THRAP3: variants seen among roughly 807,000 people sequenced by gnomAD.
The protein encoded by THRAP3 is thyroid hormone receptor-associated protein 3.
THRAP3 carries 16 observed loss-of-function variants against 101.0 expected under a neutral mutation model. The observed-to-expected ratio is 0.16, with a 90% CI of 0.11 to 0.24. The LOEUF (loss-of-function observed/expected upper bound fraction) is 0.24, where lower values mean the gene tolerates loss of function less well. Ranked by LOEUF, THRAP3 falls within the 10% of genes least tolerant of loss-of-function variation. THRAP3 has a pLI of 1.00. For missense variants in THRAP3, 989 were observed against 1,202.7 expected, an observed-to-expected ratio of 0.82 and a Z score of 2.63; for synonymous variants, 407 against 422.6, an observed-to-expected ratio of 0.96 and a Z score of 0.45.
intron 1 of THRAP3, among the ~76,000 whole-genome samples, chr1:36,234,807 C>CTT (rs35278020): frequency 0.016 from 1,152 of 72,480 alleles, 2 homozygotes; most frequent in Non-Finnish European, 0.019. Flanking sequence ...CTGTTTCAGT[C>CTT]TTTTTTTTTT....
intron 1 of THRAP3, among the ~76,000 whole-genome samples, chr1:36,229,786 G>A (rs921701925): frequency 4.0e-5 from 6 of 151,750 alleles, no homozygotes; most frequent in Non-Finnish European, 8.8e-5. Context: ...CCGAGAAGCT[G>A]GGATTACAGG....
In THRAP3 at chr1:36,305,286, A is replaced by G. The variant is rs1341231198; in HGVS notation, c.*1269A>G. 5 of 201,070 alleles carry G rather than the reference A, an allele frequency of 2.5e-5. No homozygotes were observed. Among genetic ancestry groups the G allele is most frequent in the Non-Finnish European group, 5.1e-5 (5 of 97,440 alleles). The allele number at this position is 201,070 out of a possible 1,614,324, so 12.5% of individuals were successfully genotyped here. The stretch of plus-strand genomic sequence containing the variant: ...ACTTGAATGATTCATGTTTAGGGGG[A>G]AAATGAAAATCTCCCTTAAAATTTG... On this transcript the variant is annotated 3_prime_UTR_variant, in exon 12 of 12. Coordinates refer to ENST00000354618, the MANE Select transcript of THRAP3 (RefSeq NM_005119.4).
chr1:36,229,193 G>A (rs1644996157), intron 1 of THRAP3, among the ~76,000 whole-genome samples: 1 of 152,032 alleles, frequency 6.6e-6, no homozygotes, highest in Admixed American at 6.6e-5. Flanking sequence ...AGCCTCCCAG[G>A]TTCAAGTGAT....
At position 36,238,264 on chromosome 1, in the gene THRAP3, C is replaced by T. The variant is rs139401420; in HGVS notation, c.-135+13759C>T. 7.4e-4 allele frequency among the ~76,000 whole-genome samples: 112 copies of T among 152,272 alleles called. 2 individuals are homozygous for T. In the East Asian group the frequency reaches 0.013, roughly 18 times the overall value. On this transcript the variant is annotated intron_variant, in intron 1 of 11. Coordinates refer to ENST00000354618, the MANE Select transcript of THRAP3 (RefSeq NM_005119.4). Reference sequence around the variant, plus strand: ...GATTATATGGGTAAAACATCGTGCTCAGCCTGAACTAGAATTTAGATTAAG... The same window carrying T: ...GATTATATGGGTAAAACATCGTGCTTAGCCTGAACTAGAATTTAGATTAAG...
At chr1:36,239,200 G>C (rs956330196) in intron 1 of THRAP3, among the ~76,000 whole-genome samples, 1 of 150,216 alleles carries the variant, frequency 6.7e-6, no homozygotes, top group African/African-American at 2.4e-5. Context: ...CACCATGCCC[G>C]GCCGTGTTTT....
At chr1:36,277,560 GC>G (rs139678624) in intron 2 of THRAP3, among the ~76,000 whole-genome samples, 3,652 of 152,124 alleles carry the variant, frequency 0.024, 149 homozygotes, top group African/African-American at 0.083. Flanking sequence ...AGGCTGGAGT[GC>G]AGTGGCACAA....
chr1:36,259,959 G>A (rs1645423463), intron 2 of THRAP3, among the ~76,000 whole-genome samples: 1 of 151,656 alleles, frequency 6.6e-6, no homozygotes, highest in Admixed American at 6.6e-5. Context: ...ATTAAAATTG[G>A]GGGCCAGGCG....
chr1:36,267,945 C>A lies in THRAP3; in HGVS notation c.-32+8461C>A, dbSNP rs181134272. On this transcript the variant is annotated intron_variant, in intron 2 of 11. Transcript: ENST00000354618. ...CTGTAATCCTAGTACTTTGGGAGGC[C>A]GAGGCAGATGGATCACTTGAGGCCA... 2.5e-3 allele frequency among the ~76,000 whole-genome samples: 182 copies of A among 73,148 alleles called. 83 individuals carry two copies. The East Asian group carries it at 0.075, about 30-fold the overall frequency. The allele number at this position is 73,148 out of a possible 152,430, so 48.0% of individuals were successfully genotyped here.
chr1:36,295,962 T>C (rs1403193404), intron 8 of THRAP3, among the ~76,000 whole-genome samples: 5 of 40,508 alleles, frequency 1.2e-4, no homozygotes, highest in African/African-American at 4.1e-4. Context: ...AACTTTTTTT[T>C]TTTTTTTTTT....
Position 36,292,583 on chromosome 1 carries a change from T to G in THRAP3, c.1919-15T>G. The G allele has an allele frequency of 6.2e-7, 1 of 1,606,574 alleles. No individual in the cohort carries two copies. Among genetic ancestry groups the G allele is most frequent in the Middle Eastern group, 1.7e-4 (1 of 6,026 alleles). ...CCATGCCTGGCCCATAATGTGTTTCTTTTAATCCCAACAGAGCATCACTTT... is the reference window on the plus strand; with the variant it reads ...CCATGCCTGGCCCATAATGTGTTTCGTTTAATCCCAACAGAGCATCACTTT... On this transcript the variant is annotated splice_polypyrimidine_tract_variant and intron_variant, in intron 6 of 11. Transcript: ENST00000354618.
At chr1:36,262,094 T>C (rs950727146) in intron 2 of THRAP3, among the ~76,000 whole-genome samples, 5 of 152,184 alleles carry the variant, frequency 3.3e-5, no homozygotes, top group African/African-American at 1.2e-4. Flanking sequence ...AAAAAACAGA[T>C]GAAATAAATT....
intron 1 of THRAP3, among the ~76,000 whole-genome samples, chr1:36,248,335 C>T (rs1242593926): frequency 6.6e-6 from 1 of 151,462 alleles, no homozygotes; most frequent in Non-Finnish European, 1.5e-5. Flanking sequence ...AGATGGGGGT[C>T]TTGGTTTGTT....
In THRAP3 at chr1:36,296,258, G is replaced by GC. The variant is rs1645950194; in HGVS notation, c.2116-323dup. On this transcript the variant is annotated intron_variant, in intron 8 of 11. Transcript: ENST00000354618. ...CAAAGTTCTGGGATTACAGGCGTGA[G>GC]CCACTGCACCTGGCCAGCCTTCTCA... is the stretch of plus-strand genomic sequence containing the variant. Among the ~76,000 whole-genome samples the GC allele has an allele frequency of 2.0e-5, 3 of 152,148 alleles. No individual in the cohort carries two copies. The South Asian group carries it at 6.2e-4, about 32-fold the overall frequency.
At chr1:36,298,899 A>T (rs1302307798) in intron 9 of THRAP3, among the ~76,000 whole-genome samples, 1 of 152,162 alleles carries the variant, frequency 6.6e-6, no homozygotes, top group Non-Finnish European at 1.5e-5. Context: ...GGCTCAAGTG[A>T]TCTACCCATC....
At chr1:36,249,479 C>T (rs1342508816) in intron 1 of THRAP3, among the ~76,000 whole-genome samples, 1 of 152,128 alleles carries the variant, frequency 6.6e-6, no homozygotes, top group Non-Finnish European at 1.5e-5. Context: ...GCGTGAGCCA[C>T]TGCCCCCAGC....
chr1:36,238,554 TC>T (rs1645117913), intron 1 of THRAP3, among the ~76,000 whole-genome samples: 1 of 152,160 alleles, frequency 6.6e-6, no homozygotes, highest in African/African-American at 2.4e-5. Flanking sequence ...TTGTTTAGTG[TC>T]TATTTTGGGG....
chr1:36,292,085 C>T (rs1048299652), intron 6 of THRAP3, among the ~76,000 whole-genome samples: 1 of 151,826 alleles, frequency 6.6e-6, no homozygotes, highest in Non-Finnish European at 1.5e-5. Context: ...ATGGGAGCTA[C>T]AGTGGAAATC....
chr1:36,263,371 A>G (rs1454909049), intron 2 of THRAP3, among the ~76,000 whole-genome samples: 1 of 152,114 alleles, frequency 6.6e-6, no homozygotes, highest in Non-Finnish European at 1.5e-5. Flanking sequence ...AAGTGCTAGG[A>G]TTTCAGGGGT....
At chr1:36,226,082 A>G (rs151135041) in intron 1 of THRAP3, among the ~76,000 whole-genome samples, 1 of 152,288 alleles carries the variant, frequency 6.6e-6, no homozygotes, top group Non-Finnish European at 1.5e-5. Context: ...TAGTGTATTT[A>G]TTTAATACCA....
Sources: gnomAD v4.1 joint callset for allele counts (sites outside exome capture counted in the v4.1 genomes callset) on GRCh38, gnomAD v4.1.1 for gene constraint, MANE v1.5 for transcripts, NCBI Gene and HGNC (gene_info 2026-07-23, HGNC 2026-07-21) for gene names.